Variants in BANK1 observed in about 807,000 individuals in gnomAD.
BANK1 encodes B-cell scaffold protein with ankyrin repeats.
Under a neutral mutation model 94.5 loss-of-function variants are expected in BANK1, and 95 were observed. That is an observed-to-expected ratio of 1.00 (90% CI 0.85 to 1.19). BANK1 has a LOEUF of 1.19. Ranked by LOEUF, BANK1 falls within the 50% of genes most tolerant of loss-of-function variation. The pLI, the probability that BANK1 is intolerant of heterozygous loss-of-function variation, is 0.00. For missense variants in BANK1, 987 were observed against 932.2 expected, an observed-to-expected ratio of 1.06 and a Z score of -0.77; for synonymous variants, 334 against 308.4, an observed-to-expected ratio of 1.08 and a Z score of -0.87.
intron 1 of BANK1, among the ~76,000 whole-genome samples, chr4:101,809,213 G>A (rs1725661052): frequency 6.6e-6 from 1 of 152,138 alleles, no homozygotes; most frequent in African/African-American, 2.4e-5. Context: ...CGATGGAGCT[G>A]GAGGCCATTA....
chr4:102,059,909 C>A (rs1728354395), intron 11 of BANK1, among the ~76,000 whole-genome samples: 1 of 152,164 alleles, frequency 6.6e-6, no homozygotes, highest in Admixed American at 6.6e-5. Context: ...TGATAAACCT[C>A]AGAAACAGAA....
At chr4:101,885,717 A>G (rs1460187292) in intron 5 of BANK1, among the ~76,000 whole-genome samples, 1 of 152,240 alleles carries the variant, frequency 6.6e-6, no homozygotes, top group African/African-American at 2.4e-5. Context: ...TACTATCTAC[A>G]GTTGTGCATT....
chr4:102,050,802 T>A (rs1183034320), intron 11 of BANK1, among the ~76,000 whole-genome samples: 1 of 125,904 alleles, frequency 7.9e-6, no homozygotes, highest in African/African-American at 3.4e-5. Flanking sequence ...TAGAGTCAGG[T>A]TATGAAAAAA....
intron 7 of BANK1, among the ~76,000 whole-genome samples, chr4:101,927,434 A>G (rs959297601): frequency 2.6e-5 from 4 of 151,626 alleles, no homozygotes; most frequent in African/African-American, 9.7e-5. Flanking sequence ...CAGGCATCAT[A>G]TGATTTAAAT....
chr4:101,912,097 T>G, intron 6 of BANK1, among the ~76,000 whole-genome samples: 1 of 152,106 alleles, frequency 6.6e-6, no homozygotes, highest in East Asian at 1.9e-4. Flanking sequence ...GGCTTTTTAA[T>G]TAATGTCTTG....
chr4:101,837,577 A>T (rs1726877128), intron 2 of BANK1, among the ~76,000 whole-genome samples: 5 of 152,204 alleles, frequency 3.3e-5, no homozygotes, highest in Admixed American at 3.3e-4. Flanking sequence ...TTTTTCCCTC[A>T]ATGTATGGTA....
At position 101,829,731 on chromosome 4, in the gene BANK1, A is replaced by T. The variant is rs561885981; in HGVS notation, c.71-77A>T. The T allele has an allele frequency of 5.7e-5, 55 of 965,046 alleles. 1 individual carries two copies. The South Asian group carries it at 1.0e-3, about 18-fold the overall frequency. The allele number at this position is 965,046 out of a possible 1,614,324, so 59.8% of individuals were successfully genotyped here. On this transcript the variant is annotated intron_variant, in intron 1 of 16. Coordinates refer to ENST00000322953, the MANE Select transcript of BANK1 (RefSeq NM_017935.5). ...AATTAATATATTGCCTAGTGAGCAT[A>T]TTAAAATTTTTGAGAAATAATAATT... is the stretch of plus-strand genomic sequence containing the variant.
chr4:101,995,230 A>G (rs1028077131), intron 7 of BANK1, among the ~76,000 whole-genome samples: 12 of 152,154 alleles, frequency 7.9e-5, no homozygotes. Context: ...TTTGCTGAGA[A>G]TGATGGTTTC....
chr4:101,918,204 T>A lies in BANK1; in HGVS notation c.1206+15T>A, dbSNP rs557421877. ...AAGACTTTTCAGTAAGTTTTTTTTT[T>A]AAATTATATCTCTGTATATTCTGTT... On this transcript the variant is annotated intron_variant, in intron 7 of 16. Coordinates refer to ENST00000322953, the MANE Select transcript of BANK1 (RefSeq NM_017935.5). 2.9e-6 allele frequency: 4 copies of A among 1,366,956 alleles called. No individual in the cohort carries two copies. The African/African-American group carries it at 5.8e-5, about 20-fold the overall frequency. The allele number at this position is 1,366,956 out of a possible 1,614,324, so 84.7% of individuals were successfully genotyped here. A position where few individuals can be genotyped will look rare whatever the true frequency, so the allele number is the denominator to read the frequency against.
At chr4:102,007,146 T>TTATATATA (rs376933355) in intron 7 of BANK1, among the ~76,000 whole-genome samples, 16 of 38,068 alleles carry the variant, frequency 4.2e-4, no homozygotes, top group African/African-American at 1.1e-3. Context: ...AAAATATATT[T>TTATATATA]TATATATATA....
intron 7 of BANK1, among the ~76,000 whole-genome samples, chr4:101,927,534 T>C (rs150879253): frequency 6.6e-6 from 1 of 151,708 alleles, no homozygotes; most frequent in African/African-American, 2.4e-5. Context: ...ATAGTCCAGA[T>C]GATAGATGAT....
At chr4:101,967,593 A>G (rs984705736) in intron 7 of BANK1, among the ~76,000 whole-genome samples, 3 of 152,060 alleles carry the variant, frequency 2.0e-5, no homozygotes, top group Non-Finnish European at 2.9e-5. Flanking sequence ...AATTTATACT[A>G]ACTTTGTCGC....
chr4:102,030,660 A>G (rs1009057018), intron 10 of BANK1, among the ~76,000 whole-genome samples: 9 of 143,766 alleles, frequency 6.3e-5, no homozygotes, highest in Non-Finnish European at 1.2e-4. Flanking sequence ...TCATCTTTCA[A>G]CTCCCACTTA....
chr4:101,919,000 T>C (rs775720686), intron 7 of BANK1, among the ~76,000 whole-genome samples: 6 of 151,972 alleles, frequency 3.9e-5, no homozygotes, highest in Non-Finnish European at 8.8e-5. Flanking sequence ...GAAATAACCA[T>C]TATTTTTATT....
chr4:101,873,296 C>A (rs866426187), intron 5 of BANK1, among the ~76,000 whole-genome samples: 1 of 152,126 alleles, frequency 6.6e-6, no homozygotes, highest in Non-Finnish European at 1.5e-5. Context: ...ATTGTAAGAA[C>A]TTTCCTGAGT....
At chr4:102,037,807 G>A (rs906285085) in intron 10 of BANK1, among the ~76,000 whole-genome samples, 1 of 152,152 alleles carries the variant, frequency 6.6e-6, no homozygotes, top group African/African-American at 2.4e-5. Context: ...GCCTGCACAG[G>A]GTAGCATGTA....
intron 7 of BANK1, among the ~76,000 whole-genome samples, chr4:102,014,414 T>A (rs200280929): frequency 6.6e-6 from 1 of 152,280 alleles, no homozygotes; most frequent in East Asian, 1.9e-4. Context: ...TGTCTGTTCA[T>A]CTGTTAGATA....
intron 1 of BANK1, among the ~76,000 whole-genome samples, chr4:101,826,846 A>G (rs1726386151): frequency 6.6e-6 from 1 of 151,940 alleles, no homozygotes; most frequent in African/African-American, 2.4e-5. Context: ...AGGAATTTGG[A>G]TTGAAAAATA....
rs1184809133 is a variant in BANK1 at position 101,835,615 on chromosome 4, C to A, written c.469+5409C>A. On this transcript the variant is annotated intron_variant, in intron 2 of 16. Transcript: ENST00000322953. ...GAATTATTGGAAAGGCAAAACAAAA[C>A]AAACAACAGAACAGAAACAAACTAT... 2.0e-5 allele frequency among the ~76,000 whole-genome samples: 3 copies of A among 152,162 alleles called. No homozygotes were observed. The South Asian group carries it at 6.2e-4, about 32-fold the overall frequency.
Sources: gnomAD v4.1 joint callset for allele counts (sites outside exome capture counted in the v4.1 genomes callset) on GRCh38, gnomAD v4.1.1 for gene constraint, MANE v1.5 for transcripts, NCBI Gene and HGNC (gene_info 2026-07-23, HGNC 2026-07-21) for gene names.